ZFAND4: variants seen among roughly 807,000 people sequenced by gnomAD.
The protein encoded by ZFAND4 is zinc finger AN1-type containing 4, also known as AN1-type zinc finger protein 4.
ZFAND4 carries 43 observed loss-of-function variants against 64.4 expected under a neutral mutation model. The ratio of observed to expected loss-of-function variants is 0.67; its 90% CI spans 0.52 to 0.86. ZFAND4 has a LOEUF of 0.86. Among genes scored for constraint, ZFAND4 ranks in the 40% least tolerant of loss-of-function variants. The pLI is 0.00. For synonymous variants in ZFAND4, 296 were observed against 305.7 expected (o/e 0.97, Z 0.33); for missense variants, 929 against 859.8 (o/e 1.08, Z -1.01).
intron 3 of ZFAND4, 62 bp downstream of exon 3, chr10:45,652,922 A>G (rs2047852605): frequency 1.6e-6 from 2 of 1,267,026 alleles, no homozygotes; most frequent in Non-Finnish European, 2.3e-6. Context: ...AAAGAAAAAC[A>G]TTAGCATATG....
intron 8 of ZFAND4, among the ~76,000 whole-genome samples, chr10:45,619,379 T>C (rs1198962696): frequency 6.6e-6 from 1 of 152,082 alleles, no homozygotes; most frequent in Admixed American, 6.6e-5. Context: ...TAAATGTCTT[T>C]TAGAACTGAT....
At chr10:45,634,404 T>A (rs149461364) in intron 6 of ZFAND4, among the ~76,000 whole-genome samples, 39 of 151,726 alleles carry the variant, frequency 2.6e-4, no homozygotes, top group Middle Eastern at 3.4e-3. Context: ...ATGCCTGTAG[T>A]CCTAGCTACT....
chr10:45,631,431 T>C (rs1229969617), intron 6 of ZFAND4, among the ~76,000 whole-genome samples: 1 of 151,110 alleles, frequency 6.6e-6, no homozygotes. Context: ...TGAATCTTTA[T>C]GTTAAAAAGA....
chr10:45,657,124 C>T (rs941459267), intron 2 of ZFAND4, among the ~76,000 whole-genome samples: 1 of 151,936 alleles, frequency 6.6e-6, no homozygotes, highest in Admixed American at 6.6e-5. Context: ...AGCGATCCTC[C>T]CACCTCAGCC....
At chr10:45,664,617 T>C (rs976257230) in intron 1 of ZFAND4, among the ~76,000 whole-genome samples, 1 of 149,544 alleles carries the variant, frequency 6.7e-6, no homozygotes, top group Non-Finnish European at 1.5e-5. Flanking sequence ...ACCACCATAA[T>C]AGGTTGCTTA....
At position 45,626,481 on chromosome 10, in the gene ZFAND4, C is replaced by T. The variant is rs922774288; in HGVS notation, c.1342G>A (p.Val448Met). 6.2e-7 allele frequency: 1 copy of T among 1,613,792 alleles called. No homozygotes were observed. The highest frequency in any genetic ancestry group is 1.7e-5 in the Admixed American group (1 of 60,024). ...PEQHLKHVAG[V>M]LNGESVETSV... ...GTCTCTACTGATTCCCCATTCAGCACTCCTGCAACATGCTTGAGATGCTGC... is the reference window on the plus strand; with the variant it reads ...GTCTCTACTGATTCCCCATTCAGCATTCCTGCAACATGCTTGAGATGCTGC... Residue 448 changes from valine to methionine, a missense_variant, in exon 7 of 10, where the codon GTG (valine) becomes ATG (methionine). Coordinates refer to ENST00000344646, the MANE Select transcript of ZFAND4 (RefSeq NM_174890.4).
intron 5 of ZFAND4, among the ~76,000 whole-genome samples, chr10:45,646,065 C>T (rs2047358350): frequency 6.6e-6 from 1 of 152,068 alleles, no homozygotes; most frequent in Non-Finnish European, 1.5e-5. Flanking sequence ...ATTGACTTTG[C>T]AAATTTGATG....
intron 6 of ZFAND4, among the ~76,000 whole-genome samples, chr10:45,634,929 C>G (rs984582120): frequency 6.6e-6 from 1 of 151,644 alleles, no homozygotes; most frequent in African/African-American, 2.4e-5. Context: ...AAATAAAATA[C>G]CTAGGAATAA....
At chr10:45,632,683 C>T (rs764790328) in intron 6 of ZFAND4, among the ~76,000 whole-genome samples, 18 of 152,062 alleles carry the variant, frequency 1.2e-4, no homozygotes, top group Non-Finnish European at 2.2e-4. Context: ...CCAAAAAATA[C>T]ACCCTTACAC....
chr10:45,656,357 T>C (rs948188765), intron 2 of ZFAND4, among the ~76,000 whole-genome samples: 1 of 150,506 alleles, frequency 6.6e-6, no homozygotes, highest in African/African-American at 2.4e-5. Flanking sequence ...CCCAGCACTT[T>C]GGGAGGTTGA....
At chr10:45,636,848 G>A (rs2133670393) in intron 6 of ZFAND4, among the ~76,000 whole-genome samples, 1 of 152,210 alleles carries the variant, frequency 6.6e-6, no homozygotes, top group East Asian at 1.9e-4. Context: ...ATTTTTGAGA[G>A]TGGGATGTAG....
At chr10:45,625,275 A>T (rs983704442) in intron 7 of ZFAND4, among the ~76,000 whole-genome samples, 1 of 151,488 alleles carries the variant, frequency 6.6e-6, no homozygotes, top group African/African-American at 2.4e-5. Flanking sequence ...GATCGAGACC[A>T]TCCTGGCTAA....
At chr10:45,671,821 T>TAAAAAAAAAAAAA (rs199848014) in intron 1 of ZFAND4, among the ~76,000 whole-genome samples, 1 of 141,294 alleles carries the variant, frequency 7.1e-6, no homozygotes. Flanking sequence ...CCCTAGAACT[T>TAAAAAAAAAAAAA]AAAAAAAAAA....
At chr10:45,617,949 T>C in intron 9 of ZFAND4, 191 bp downstream of exon 9, 1 of 470,248 alleles carries the variant, frequency 2.1e-6, no homozygotes, top group Non-Finnish European at 3.6e-6. Flanking sequence ...GGATCTGTTT[T>C]TGTCTTTTGG....
Position 45,616,483 on chromosome 10 carries a change from GC to G in ZFAND4, c.2136del (p.Leu712PhefsTer39), listed in dbSNP as rs765447324. On this transcript the variant is annotated frameshift_variant, in exon 10 of 10. Coordinates refer to ENST00000344646, the MANE Select transcript of ZFAND4 (RefSeq NM_174890.4). LOFTEE classifies it high-confidence loss of function. ...YDYKSAGRRY[L>X]HEANPVVNAP... ...GCATTAACCACAGGATTTGCCTCGTGCAAGTATCTCCTCCCTGCACTCTTGT... is the reference window on the plus strand; with the variant it reads ...GCATTAACCACAGGATTTGCCTCGTGAAGTATCTCCTCCCTGCACTCTTGT... 1.1e-5 allele frequency: 18 copies of G among 1,614,212 alleles called. No individual in the cohort carries two copies. In the South Asian group the frequency reaches 2.0e-4, roughly 18 times the overall value.
At chr10:45,640,828 T>A (rs1055203139) in intron 5 of ZFAND4, among the ~76,000 whole-genome samples, 1 of 152,176 alleles carries the variant, frequency 6.6e-6, no homozygotes, top group Non-Finnish European at 1.5e-5. Flanking sequence ...CAAATTTTTC[T>A]AAGTGTGTTT....
At chr10:45,627,928 A>G (rs1220046905) in intron 6 of ZFAND4, among the ~76,000 whole-genome samples, 1 of 152,110 alleles carries the variant, frequency 6.6e-6, no homozygotes, top group Non-Finnish European at 1.5e-5. Context: ...ACCTTTGCTG[A>G]TTTTGCCTTG....
intron 8 of ZFAND4, among the ~76,000 whole-genome samples, chr10:45,622,084 AAAC>A (rs1170746994): frequency 2.5e-4 from 38 of 152,332 alleles, no homozygotes; most frequent in African/African-American, 7.0e-4. Flanking sequence ...TGTCAACGAA[AAAC>A]AACAACTATA....
At chr10:45,665,739 C>A (rs946084008) in intron 1 of ZFAND4, among the ~76,000 whole-genome samples, 1 of 152,242 alleles carries the variant, frequency 6.6e-6, no homozygotes, top group African/African-American at 2.4e-5. Flanking sequence ...CCCAGTCCCC[C>A]ACTCAACCCT....
Sources: gnomAD v4.1 joint callset for allele counts (sites outside exome capture counted in the v4.1 genomes callset) on GRCh38, gnomAD v4.1.1 for gene constraint, MANE v1.5 for transcripts, NCBI Gene and HGNC (gene_info 2026-07-23, HGNC 2026-07-21) for gene names.